The following DDB2 variants were observed in gnomAD, a reference collection of about 807,000 sequenced individuals.
The protein encoded by DDB2 is damage specific DNA binding protein 2, also known as DNA damage-binding protein 2.
In DDB2, 27 loss-of-function variants were observed where a neutral mutation model predicts 50.5. The observed-to-expected ratio is 0.53, with a 90% CI of 0.39 to 0.74. The LOEUF (loss-of-function observed/expected upper bound fraction) is 0.74, where lower values mean the gene tolerates loss of function less well. Ranked by LOEUF, DDB2 falls within the 30% of genes least tolerant of loss-of-function variation. The probability of loss-of-function intolerance (pLI) is 0.00; values close to 1 mark genes in which losing one functional copy is unlikely to be tolerated. For missense variants in DDB2, 424 were observed against 545.6 expected (o/e 0.78, Z 2.22); for synonymous variants, 176 against 205.5 (o/e 0.86, Z 1.23).
intron 1 of DDB2, chr11:47,216,096 G>A (rs1953396565): frequency 6.3e-6 from 4 of 636,996 alleles, no homozygotes; most frequent in South Asian, 1.7e-5. Flanking sequence ...AACCCTGCAC[G>A]ACTGTATTTA....
rs75282560 is a variant in DDB2 at position 47,229,255 on chromosome 11, G to C, written c.457-3559G>C. ...GGGCATCCATGTAGGCAGGGGTGAA[G>C]AGTAGAGGAGGCCGGGCATGGAATA... On this transcript the variant is annotated intron_variant, in intron 3 of 9. Coordinates refer to ENST00000256996, the MANE Select transcript of DDB2 (RefSeq NM_000107.3). Among the ~76,000 whole-genome samples the C allele has an allele frequency of 8.6e-3, 1,305 of 152,250 alleles. 9 individuals are homozygous for C. Among genetic ancestry groups the C allele is most frequent in the Non-Finnish European group, 0.013 (904 of 68,018 alleles).
intron 3 of DDB2, among the ~76,000 whole-genome samples, chr11:47,218,963 G>A (rs564258082): frequency 6.9e-6 from 1 of 144,964 alleles, no homozygotes; most frequent in African/African-American, 2.5e-5. Flanking sequence ...TTTTTTTTTT[G>A]AGGCGGACTC....
intron 3 of DDB2, among the ~76,000 whole-genome samples, chr11:47,225,254 TAAA>T (rs10708891): frequency 8.1e-5 from 11 of 136,296 alleles, no homozygotes; most frequent in Admixed American, 1.5e-4. Context: ...CCTGTGTCTT[TAAA>T]AAAAAAAAAA....
Position 47,234,702 on chromosome 11 carries a change from C to T in DDB2, c.702+30C>T, listed in dbSNP as rs755924189. 5.0e-6 allele frequency: 8 copies of T among 1,613,624 alleles called. No homozygotes were observed. The East Asian group carries it at 1.3e-4, about 27-fold the overall frequency. ...GTTCTCCGAGGTCCTGCCTTTCCCTCCCTCACCCCCACCTCGGTTCTGTGT... is the reference window on the plus strand; with the variant it reads ...GTTCTCCGAGGTCCTGCCTTTCCCTTCCTCACCCCCACCTCGGTTCTGTGT... On this transcript the variant is annotated intron_variant, in intron 5 of 9. Transcript: ENST00000256996.
chr11:47,218,538 T>G (rs1438660877), intron 3 of DDB2, among the ~76,000 whole-genome samples: 1 of 152,158 alleles, frequency 6.6e-6, no homozygotes, highest in East Asian at 1.9e-4. Flanking sequence ...ATAGTGTGAC[T>G]GGGTGAGGTT....
At chr11:47,217,139 G>T in intron 3 of DDB2, 90 bp downstream of exon 3, 1 of 1,126,450 alleles carries the variant, frequency 8.9e-7, no homozygotes, top group Non-Finnish European at 1.3e-6. Flanking sequence ...ACTTTGGGAG[G>T]CCAAGGTGGG....
intron 3 of DDB2, chr11:47,229,818 C>CTTTTTT (rs11376360): frequency 5.0e-4 from 165 of 329,578 alleles, no homozygotes; most frequent in Non-Finnish European, 5.4e-4. Context: ...GATGGCTCTT[C>CTTTTTT]TTTTTTTTTT....
chr11:47,215,000 G>A lies in DDB2; in HGVS notation c.-137G>A, dbSNP rs1340705311. The stretch of plus-strand genomic sequence containing the variant: ...GTTTGAACAAGCCCTGGGCATGTTT[G>A]GCGGGAAGTTGGCTTAGCTCGGCTA... On this transcript the variant is annotated 5_prime_UTR_variant, in exon 1 of 10. Transcript: ENST00000256996. 7.7e-7 allele frequency: 1 copy of A among 1,297,308 alleles called. No homozygotes were observed. Among genetic ancestry groups the A allele is most frequent in the East Asian group, 2.3e-5 (1 of 43,066 alleles). The allele number at this position is 1,297,308 out of a possible 1,614,324, so 80.4% of individuals were successfully genotyped here. A position where few individuals can be genotyped will look rare whatever the true frequency, so the allele number is the denominator to read the frequency against.
At chr11:47,217,532 T>C (rs192054388) in intron 3 of DDB2, 1 of 153,320 alleles carries the variant, frequency 6.5e-6, no homozygotes. Context: ...GATGATGATA[T>C]ATATTTTTCT....
At position 47,238,845 on chromosome 11, in the gene DDB2, A is replaced by G. The variant is rs1953791863; in HGVS notation, c.1280A>G (p.Lys427Arg). 5 of 1,613,530 alleles carry G rather than the reference A, an allele frequency of 3.1e-6. No homozygotes were observed. The highest frequency in any genetic ancestry group is 4.2e-6 in the Non-Finnish European group (5 of 1,179,900). The change falls in exon 10 of 10, where the codon AAG (lysine) becomes AGG (arginine). Residue 427 changes from lysine (K) to arginine (R), a missense_variant. Transcript: ENST00000256996. ...AGCCAGGAGGAAGCCAGGACACGGA[A>G]GTGAGAGACACTAAAGAAGGTGTGG... ...IWSQEEARTRK is the reference protein window; with the variant it reads ...IWSQEEARTRR
chr11:47,220,377 A>G (rs1034404860), intron 3 of DDB2: 1 of 152,364 alleles, frequency 6.6e-6, no homozygotes, highest in African/African-American at 2.4e-5. Flanking sequence ...AGTCTAGGAC[A>G]TGGGAATAGA....
chr11:47,226,356 A>G (rs949184095), intron 3 of DDB2, among the ~76,000 whole-genome samples: 19 of 151,188 alleles, frequency 1.3e-4, no homozygotes, highest in African/African-American at 4.4e-4. Context: ...GCTTACTGCA[A>G]CCTCTGCCTC....
chr11:47,217,168 G>A (rs757474556), intron 3 of DDB2, 119 bp downstream of exon 3: 4 of 824,624 alleles, frequency 4.9e-6, no homozygotes, highest in Non-Finnish European at 8.1e-6. Flanking sequence ...CTGAGGTATG[G>A]AGTTTGAGAC....
At chr11:47,218,663 T>C (rs1270728917) in intron 3 of DDB2, among the ~76,000 whole-genome samples, 1 of 151,716 alleles carries the variant, frequency 6.6e-6, no homozygotes, top group Non-Finnish European at 1.5e-5. Flanking sequence ...GTGGCTGACA[T>C]TGGAGGGCTG....
rs1953380472 is a variant in DDB2 at position 47,215,083 on chromosome 11, C to T, written c.-54C>T. 2 of 1,613,574 alleles carry T rather than the reference C, an allele frequency of 1.2e-6. No homozygotes were observed. The highest frequency in any genetic ancestry group is 1.7e-6 in the Non-Finnish European group (2 of 1,179,732). ...TGTTTCTCCCCAGAGGCCTCTCAATCCTCCCTCCATGATCTTCGCATAGAG... is the reference window on the plus strand; with the variant it reads ...TGTTTCTCCCCAGAGGCCTCTCAATTCTCCCTCCATGATCTTCGCATAGAG... On this transcript the variant is annotated 5_prime_UTR_variant, in exon 1 of 10. Transcript: ENST00000256996.
At chr11:47,235,020 G>C in intron 6 of DDB2, 86 bp downstream of exon 6, 3 of 1,496,158 alleles carry the variant, frequency 2.0e-6, no homozygotes, top group South Asian at 2.3e-5. Context: ...AAGCCACTAC[G>C]TCAAACCTTT....
intron 3 of DDB2, 96 bp from the exon 4 acceptor site, chr11:47,232,718 G>A: frequency 2.2e-6 from 3 of 1,376,508 alleles, no homozygotes; most frequent in Non-Finnish European, 3.1e-6. Context: ...CGCTGCTCGA[G>A]GGGTGCTTCT....
Position 47,235,481 on chromosome 11 carries a change from A to G in DDB2, c.1023+69A>G. 6 of 1,542,802 alleles carry G rather than the reference A, an allele frequency of 3.9e-6. No individual in the cohort carries two copies. In the South Asian group the frequency reaches 4.6e-5, roughly 12 times the overall value. On this transcript the variant is annotated intron_variant, in intron 7 of 9. Transcript: ENST00000256996. ...ATGAGGCCGGAGCAGGTCTGCCCAC[A>G]GTGGGGAAGGGCTGATGTGGTAAGC...
chr11:47,222,341 T>G (rs926264388), intron 3 of DDB2, among the ~76,000 whole-genome samples: 17 of 152,174 alleles, frequency 1.1e-4, no homozygotes, highest in Non-Finnish European at 1.9e-4. Context: ...AGTTTTTTTT[T>G]TCTTTCTGAA....
Sources: allele counts gnomAD v4.1 joint callset (sites outside exome capture counted in the v4.1 genomes callset), GRCh38; gene constraint gnomAD v4.1.1; transcripts MANE v1.5; gene names NCBI Gene and HGNC (gene_info 2026-07-23, HGNC 2026-07-21).